Variants in KPNA4 observed in about 807,000 individuals in gnomAD.
The protein encoded by KPNA4 is karyopherin subunit alpha 4, also known as importin subunit alpha-3.
In KPNA4, 13 loss-of-function variants were observed where a neutral mutation model predicts 71.3. The observed-to-expected ratio is 0.18, with a 90% confidence interval of 0.12 to 0.29. The LOEUF is 0.29. KPNA4 is among the 10% of genes least tolerant of loss of function. The pLI, the probability that KPNA4 is intolerant of heterozygous loss-of-function variation, is 1.00. For missense variants in KPNA4, 334 were observed against 603.2 expected (o/e 0.55, Z 4.67); for synonymous variants, 189 against 195.2 (o/e 0.97, Z 0.26).
intron 1 of KPNA4, among the ~76,000 whole-genome samples, chr3:160,549,604 GCTCT>G (rs1374334110): frequency 6.6e-5 from 10 of 152,134 alleles, no homozygotes; most frequent in Admixed American, 6.6e-4. Context: ...TCATTTCTGG[GCTCT>G]CTATTCTGTT....
intron 16 of KPNA4, among the ~76,000 whole-genome samples, chr3:160,502,404 T>C (rs60066272): frequency 0.045 from 6,804 of 151,886 alleles, 213 homozygotes; most frequent in Middle Eastern, 0.078. Flanking sequence ...GGGGTCTCAC[T>C]CTGTCACCCA....
chr3:160,523,420 TA>T (rs1405042670), intron 10 of KPNA4, among the ~76,000 whole-genome samples: 1 of 150,608 alleles, frequency 6.6e-6, no homozygotes, highest in Admixed American at 6.6e-5. Flanking sequence ...CAAGAGAAAA[TA>T]AAAAAATAAG....
intron 14 of KPNA4, among the ~76,000 whole-genome samples, chr3:160,509,430 T>A (rs1041301675): frequency 2.0e-5 from 3 of 152,142 alleles, no homozygotes; most frequent in African/African-American, 7.2e-5. Context: ...AACTCCTGAC[T>A]ATAGGGGCCT....
At chr3:160,521,142 AG>A (rs1721340830) in intron 11 of KPNA4, among the ~76,000 whole-genome samples, 1 of 152,188 alleles carries the variant, frequency 6.6e-6, no homozygotes, top group Non-Finnish European at 1.5e-5. Context: ...TAAACTTGCC[AG>A]GTGAGTAAAT....
intron 16 of KPNA4, among the ~76,000 whole-genome samples, chr3:160,502,718 A>G (rs548999200): frequency 9.2e-5 from 14 of 152,242 alleles, no homozygotes; most frequent in Middle Eastern, 3.4e-3. Context: ...GAGAATATGT[A>G]AGACGGGCAT....
chr3:160,550,452 A>T (rs2108559132), intron 1 of KPNA4, among the ~76,000 whole-genome samples: 1 of 152,220 alleles, frequency 6.6e-6, no homozygotes, highest in African/African-American at 2.4e-5. Context: ...CTTTGTAGAG[A>T]CAGGGTCTTG....
intron 13 of KPNA4, among the ~76,000 whole-genome samples, chr3:160,511,615 T>C (rs1721095595): frequency 6.6e-6 from 1 of 151,874 alleles, no homozygotes; most frequent in South Asian, 2.1e-4. Flanking sequence ...TTTAAGTACA[T>C]TACTGATGAA....
At chr3:160,557,057 C>A (rs984618808) in intron 1 of KPNA4, among the ~76,000 whole-genome samples, 1 of 152,132 alleles carries the variant, frequency 6.6e-6, no homozygotes, top group Non-Finnish European at 1.5e-5. Context: ...CTCAAGGAAC[C>A]AAATCCTCTG....
intron 11 of KPNA4, among the ~76,000 whole-genome samples, chr3:160,517,705 T>G (rs1721256684): frequency 6.6e-6 from 1 of 152,146 alleles, no homozygotes; most frequent in Non-Finnish European, 1.5e-5. Flanking sequence ...CTTTCCTTAA[T>G]GACTAATGAT....
intron 11 of KPNA4, among the ~76,000 whole-genome samples, chr3:160,516,285 C>A (rs796288190): frequency 1.3e-5 from 2 of 152,084 alleles, no homozygotes; most frequent in Non-Finnish European, 1.5e-5. Flanking sequence ...AGCCACTGCA[C>A]CCTGCTCCAA....
Position 160,531,445 on chromosome 3 carries a change from AT to A in KPNA4, c.383+16del, listed in dbSNP as rs765379180. 2.6e-4 allele frequency: 331 copies of A among 1,291,140 alleles called. No homozygotes were observed. The highest frequency in any genetic ancestry group is 8.1e-4 in the East Asian group (33 of 40,714). 80.0% of individuals were successfully genotyped at this position (1,291,140 alleles called of 1,614,324 possible). A position where few individuals can be genotyped will look rare whatever the true frequency, so the allele number is the denominator to read the frequency against. ...TACATTCTAAATTAAAAAAAAAAAA[AT>A]AAATAATGTACTCACTTGTCATCTC... is the stretch of plus-strand genomic sequence containing the variant. On this transcript the variant is annotated intron_variant, in intron 6 of 16. Coordinates refer to ENST00000334256, the MANE Select transcript of KPNA4 (RefSeq NM_002268.5).
intron 16 of KPNA4, among the ~76,000 whole-genome samples, chr3:160,503,250 G>C (rs888557826): frequency 2.6e-5 from 4 of 151,968 alleles, no homozygotes; most frequent in African/African-American, 9.7e-5. Flanking sequence ...ATAGCAATTA[G>C]AGACAAATGG....
At chr3:160,515,982 T>G (rs1021726728) in intron 11 of KPNA4, among the ~76,000 whole-genome samples, 2 of 151,990 alleles carry the variant, frequency 1.3e-5, no homozygotes, top group Admixed American at 1.3e-4. Context: ...TCACTATTTC[T>G]TCCAACAAAC....
chr3:160,561,336 T>A (rs540597717), intron 1 of KPNA4, among the ~76,000 whole-genome samples: 4 of 152,120 alleles, frequency 2.6e-5, no homozygotes, highest in Non-Finnish European at 5.9e-5. Flanking sequence ...TCCTGACAAG[T>A]TTTTTATTTC....
intron 1 of KPNA4, among the ~76,000 whole-genome samples, chr3:160,563,573 A>C (rs1722284987): frequency 6.6e-6 from 1 of 152,228 alleles, no homozygotes; most frequent in South Asian, 2.1e-4. Flanking sequence ...GTAGAGGAAA[A>C]AAGGGTTATA....
Position 160,511,772 on chromosome 3 carries a change from G to GT in KPNA4, c.1138-1902dup, listed in dbSNP as rs1260998124. Among the ~76,000 whole-genome samples the GT allele has an allele frequency of 6.7e-5, 10 of 150,246 alleles. No individual in the cohort carries two copies. In the East Asian group the frequency reaches 1.4e-3, roughly 20 times the overall value. On this transcript the variant is annotated intron_variant, in intron 13 of 16. Transcript: ENST00000334256. ...TTTTGTCTCATGCTGAAAATTAGGA[G>GT]TTTTTTATGGTCTTTAGGATATATA...
At chr3:160,560,670 T>A (rs1446714954) in intron 1 of KPNA4, among the ~76,000 whole-genome samples, 1 of 152,030 alleles carries the variant, frequency 6.6e-6, no homozygotes, top group Non-Finnish European at 1.5e-5. Context: ...TGTACATTCA[T>A]TTGACATACT....
intron 11 of KPNA4, among the ~76,000 whole-genome samples, chr3:160,515,973 C>A (rs1419283619): frequency 6.6e-6 from 1 of 151,918 alleles, no homozygotes; most frequent in African/African-American, 2.4e-5. Context: ...TGCATTCATT[C>A]ACTATTTCTT....
At chr3:160,519,068 C>G (rs565592021) in intron 11 of KPNA4, among the ~76,000 whole-genome samples, 70 of 149,402 alleles carry the variant, frequency 4.7e-4, no homozygotes, top group Non-Finnish European at 8.4e-4. Context: ...CCTTATATTT[C>G]CATATGGATT....
Sources: allele counts gnomAD v4.1 joint callset (sites outside exome capture counted in the v4.1 genomes callset), GRCh38; gene constraint gnomAD v4.1.1; transcripts MANE v1.5; gene names NCBI Gene and HGNC (gene_info 2026-07-23, HGNC 2026-07-21).